GHR: variants seen among roughly 807,000 people sequenced by gnomAD.
GHR encodes growth hormone receptor, also known as GH receptor.
A neutral mutation model predicts 67.1 loss-of-function variants in GHR; 35 were observed. The ratio of observed to expected loss-of-function variants is 0.52; its 90% CI spans 0.40 to 0.69. The LOEUF is 0.69. Among genes scored for constraint, GHR ranks in the 30% least tolerant of loss-of-function variants. The pLI is 0.00. For missense variants in GHR, 792 were observed against 764.6 expected, an observed-to-expected ratio of 1.04 and a Z score of -0.42; for synonymous variants, 272 against 269.1, an observed-to-expected ratio of 1.01 and a Z score of -0.10.
Position 42,696,970 on chromosome 5 carries a change from A to G in GHR, c.439+1881A>G, listed in dbSNP as rs368612298. 2.0e-5 allele frequency among the ~76,000 whole-genome samples: 3 copies of G among 152,210 alleles called. No homozygotes were observed. The East Asian group carries it at 5.8e-4, about 29-fold the overall frequency. On this transcript the variant is annotated intron_variant, in intron 5 of 9. Coordinates refer to ENST00000230882, the MANE Select transcript of GHR (RefSeq NM_000163.5). ...TGTCTCTTTATTAATGCTCAGAGAA[A>G]TTAATCTTGTTGCAATGTGAAACGT...
At chr5:42,605,266 G>A (rs1752575709) in intron 2 of GHR, among the ~76,000 whole-genome samples, 1 of 151,730 alleles carries the variant, frequency 6.6e-6, no homozygotes, top group Non-Finnish European at 1.5e-5. Flanking sequence ...AACACGCCCG[G>A]CTAATTTTGT....
chr5:42,713,298 T>C, intron 7 of GHR, 131 bp from the exon 8 acceptor site: 2 of 653,734 alleles, frequency 3.1e-6, no homozygotes, highest in Non-Finnish European at 5.6e-6. Context: ...GTTTCAGTGG[T>C]TATCAAGAGA....
At chr5:42,568,828 T>G (rs1750101266) in intron 2 of GHR, among the ~76,000 whole-genome samples, 1 of 152,210 alleles carries the variant, frequency 6.6e-6, no homozygotes, top group Non-Finnish European at 1.5e-5. Flanking sequence ...GAATAGTTAA[T>G]TCAACAAATT....
intron 1 of GHR, among the ~76,000 whole-genome samples, chr5:42,522,869 G>A (rs1220971204): frequency 6.6e-6 from 1 of 152,078 alleles, no homozygotes; most frequent in African/African-American, 2.4e-5. Context: ...CTCATGTACT[G>A]AATGGAAAAA....
At chr5:42,637,041 G>GT (rs1415116557) in intron 3 of GHR, among the ~76,000 whole-genome samples, 2 of 151,916 alleles carry the variant, frequency 1.3e-5, no homozygotes, top group African/African-American at 4.8e-5. Flanking sequence ...CTACCTCTGT[G>GT]TTTTTTTTCT....
intron 6 of GHR, among the ~76,000 whole-genome samples, chr5:42,708,326 GCAGTTATAAAAATACAGT>G (rs1331823513): frequency 1.3e-5 from 2 of 152,160 alleles, no homozygotes; most frequent in East Asian, 3.9e-4. Flanking sequence ...TAATTCAGAA[GCAGTTATAAAAATACAGT>G]CATCTTCCTT....
intron 3 of GHR, among the ~76,000 whole-genome samples, chr5:42,669,367 A>C (rs1327419009): frequency 6.6e-6 from 1 of 152,226 alleles, no homozygotes; most frequent in African/African-American, 2.4e-5. Context: ...AATGAGAATA[A>C]ATGGCCTCAA....
intron 3 of GHR, among the ~76,000 whole-genome samples, chr5:42,650,306 G>A (rs1396353688): frequency 3.3e-5 from 5 of 152,088 alleles, no homozygotes; most frequent in African/African-American, 9.7e-5. Context: ...GTCATCTGCA[G>A]TTGCCTGAGG....
At chr5:42,684,704 C>T (rs939385390) in intron 3 of GHR, among the ~76,000 whole-genome samples, 1 of 152,116 alleles carries the variant, frequency 6.6e-6, no homozygotes, top group Non-Finnish European at 1.5e-5. Context: ...CCCATCCATG[C>T]CCTAAAACTC....
At chr5:42,648,576 C>A (rs770666712) in intron 3 of GHR, among the ~76,000 whole-genome samples, 2 of 152,114 alleles carry the variant, frequency 1.3e-5, no homozygotes, top group African/African-American at 2.4e-5. Context: ...AAAACAGAAA[C>A]CCCTCCCCTT....
At chr5:42,468,816 G>A (rs543499304) in intron 1 of GHR, 86 of 1,022,350 alleles carry the variant, frequency 8.4e-5, no homozygotes, top group Non-Finnish European at 1.2e-4. Context: ...ATAACTGGTC[G>A]AATCGGTTGG....
At chr5:42,592,498 T>C (rs1393470620) in intron 2 of GHR, among the ~76,000 whole-genome samples, 1 of 152,240 alleles carries the variant, frequency 6.6e-6, no homozygotes, top group East Asian at 1.9e-4. Flanking sequence ...CTCCCACTTA[T>C]AAATGAGAAC....
chr5:42,565,591 T>C, intron 1 of GHR: 1 of 985,366 alleles, frequency 1.0e-6, no homozygotes, highest in African/African-American at 1.7e-5. Context: ...GTGAGGTGTT[T>C]CTATGGCTTT....
At chr5:42,635,194 C>A (rs1445166747) in intron 3 of GHR, among the ~76,000 whole-genome samples, 1 of 152,160 alleles carries the variant, frequency 6.6e-6, no homozygotes, top group African/African-American at 2.4e-5. Context: ...TTGGCTCTCT[C>A]TTGTACCCAA....
At chr5:42,531,912 C>T (rs1271521250) in intron 1 of GHR, among the ~76,000 whole-genome samples, 1 of 151,898 alleles carries the variant, frequency 6.6e-6, no homozygotes, top group Non-Finnish European at 1.5e-5. Context: ...TGTCCCTAAA[C>T]TAGAGTTTTT....
intron 1 of GHR, among the ~76,000 whole-genome samples, chr5:42,496,326 C>G (rs1419515137): frequency 6.6e-6 from 1 of 152,174 alleles, no homozygotes; most frequent in Non-Finnish European, 1.5e-5. Flanking sequence ...GCTTCTTCAT[C>G]ATTTCCCATG....
chr5:42,664,624 C>T (rs559151979), intron 3 of GHR, among the ~76,000 whole-genome samples: 1 of 152,112 alleles, frequency 6.6e-6, no homozygotes, highest in Non-Finnish European at 1.5e-5. Context: ...AATGTTAGAC[C>T]TAAAACCATA....
At chr5:42,633,497 C>A (rs549851960) in intron 3 of GHR, among the ~76,000 whole-genome samples, 33 of 152,182 alleles carry the variant, frequency 2.2e-4, no homozygotes, top group African/African-American at 7.7e-4. Flanking sequence ...ATATAGTAAA[C>A]TTCATCTTGC....
At chr5:42,465,131 C>T (rs1744668772) in intron 1 of GHR, among the ~76,000 whole-genome samples, 1 of 152,138 alleles carries the variant, frequency 6.6e-6, no homozygotes, top group African/African-American at 2.4e-5. Context: ...TTATAATAAT[C>T]TTTAATGAAA....
Sources: allele counts gnomAD v4.1 joint callset (sites outside exome capture counted in the v4.1 genomes callset), GRCh38; gene constraint gnomAD v4.1.1; transcripts MANE v1.5; gene names NCBI Gene and HGNC (gene_info 2026-07-23, HGNC 2026-07-21).